WWOX: variants seen among roughly 807,000 people sequenced by gnomAD.
The protein encoded by WWOX is WW domain-containing oxidoreductase.
WWOX carries 69 observed loss-of-function variants against 46.2 expected under a neutral mutation model. The observed-to-expected ratio is 1.49, with a 90% CI of 1.23 to 1.82. WWOX has a LOEUF of 1.82. WWOX is among the 40% of genes most tolerant of loss of function. The pLI, the probability that WWOX is intolerant of heterozygous loss-of-function variation, is 0.00. For synonymous variants in WWOX, 359 were observed against 202.6 expected (o/e 1.77, Z -6.56); for missense variants, 919 against 542.6 (o/e 1.69, Z -6.89).
intron 8 of WWOX, among the ~76,000 whole-genome samples, chr16:79,169,127 C>T (rs1358790302): frequency 6.6e-6 from 1 of 152,190 alleles, no homozygotes; most frequent in Non-Finnish European, 1.5e-5. Flanking sequence ...TCTGAAAAGT[C>T]AACAAATTTG....
chr16:78,400,941 G>T (rs1838451286), intron 6 of WWOX, among the ~76,000 whole-genome samples: 1 of 152,162 alleles, frequency 6.6e-6, no homozygotes, highest in African/African-American at 2.4e-5. Flanking sequence ...CTTCCACTCA[G>T]CCTCCTGAGT....
At chr16:78,781,325 G>A (rs1215802042) in intron 8 of WWOX, among the ~76,000 whole-genome samples, 2 of 152,148 alleles carry the variant, frequency 1.3e-5, no homozygotes, top group Non-Finnish European at 2.9e-5. Flanking sequence ...GGACAGGAAA[G>A]GGGAGCTGTG....
chr16:79,111,689 T>A (rs2049419645), intron 8 of WWOX, among the ~76,000 whole-genome samples: 1 of 152,170 alleles, frequency 6.6e-6, no homozygotes, highest in Admixed American at 6.5e-5. Context: ...GCATGGGTAA[T>A]GTCTAGGCAA....
At chr16:78,534,776 C>A (rs535674003) in intron 8 of WWOX, among the ~76,000 whole-genome samples, 2 of 151,994 alleles carry the variant, frequency 1.3e-5, no homozygotes, top group Admixed American at 6.6e-5. Context: ...GTGGCACAAT[C>A]TCAGCTCACT....
chr16:78,834,947 A>G (rs988143758), intron 8 of WWOX, among the ~76,000 whole-genome samples: 2 of 152,300 alleles, frequency 1.3e-5, no homozygotes, highest in South Asian at 4.1e-4. Context: ...TAATTATTGA[A>G]GGGCTGTCAG....
chr16:79,136,200 T>C (rs1450937551), intron 8 of WWOX, among the ~76,000 whole-genome samples: 1 of 151,934 alleles, frequency 6.6e-6, no homozygotes, highest in Admixed American at 6.6e-5. Flanking sequence ...AGGAAAGCCA[T>C]GAAGGTGCAA....
intron 8 of WWOX, among the ~76,000 whole-genome samples, chr16:78,504,779 C>T (rs2151479173): frequency 6.6e-6 from 1 of 152,170 alleles, no homozygotes; most frequent in Middle Eastern, 3.4e-3. Flanking sequence ...TCCCCGTTTA[C>T]ATGCCAAATC....
At chr16:79,148,901 C>G (rs2050227798) in intron 8 of WWOX, among the ~76,000 whole-genome samples, 1 of 136,146 alleles carries the variant, frequency 7.3e-6, no homozygotes, top group African/African-American at 2.7e-5. Context: ...TATAAAGTTC[C>G]AGGAGTTTTT....
intron 8 of WWOX, among the ~76,000 whole-genome samples, chr16:78,588,173 T>G (rs1222121970): frequency 6.6e-6 from 1 of 152,150 alleles, no homozygotes; most frequent in Admixed American, 6.5e-5. Context: ...TGGTGAAGTT[T>G]CCCCTGGGTG....
At chr16:78,263,866 C>A (rs1236271760) in intron 5 of WWOX, among the ~76,000 whole-genome samples, 1 of 152,104 alleles carries the variant, frequency 6.6e-6, no homozygotes, top group Non-Finnish European at 1.5e-5. Flanking sequence ...ATGGATTCAC[C>A]AGTGTGCTTC....
At chr16:78,251,432 C>G (rs2037981295) in intron 5 of WWOX, among the ~76,000 whole-genome samples, 1 of 152,192 alleles carries the variant, frequency 6.6e-6, no homozygotes, top group Admixed American at 6.6e-5. Context: ...TTGCTGTCAA[C>G]TGCTCGTTAC....
chr16:78,392,930 C>T (rs1240266345), intron 6 of WWOX, among the ~76,000 whole-genome samples: 1 of 152,096 alleles, frequency 6.6e-6, no homozygotes, highest in Non-Finnish European at 1.5e-5. Context: ...CAGGAAGCCT[C>T]AGCCTGCTTC....
At chr16:78,632,146 G>A (rs1189734600) in intron 8 of WWOX, among the ~76,000 whole-genome samples, 2 of 152,140 alleles carry the variant, frequency 1.3e-5, no homozygotes, top group African/African-American at 4.8e-5. Context: ...GTCAGAAATA[G>A]CTGGGTTGAA....
intron 8 of WWOX, among the ~76,000 whole-genome samples, chr16:79,103,833 A>G (rs1338022040): frequency 6.6e-6 from 1 of 152,122 alleles, no homozygotes; most frequent in African/African-American, 2.4e-5. Flanking sequence ...ATCTTATGCC[A>G]TCATGCACGT....
chr16:78,261,818 A>ATG (rs2079249125), intron 5 of WWOX, among the ~76,000 whole-genome samples: 7 of 144,854 alleles, frequency 4.8e-5, no homozygotes, highest in African/African-American at 1.3e-4. Flanking sequence ...ATATATATAT[A>ATG]CTTATAATGT....
At chr16:78,563,723 C>A (rs1003212926) in intron 8 of WWOX, among the ~76,000 whole-genome samples, 6 of 152,016 alleles carry the variant, frequency 3.9e-5, no homozygotes, top group Admixed American at 1.3e-4. Context: ...GTATTTGTGT[C>A]CTGGTTGGCA....
chr16:78,957,031 A>G (rs1223734387), intron 8 of WWOX, among the ~76,000 whole-genome samples: 1 of 152,194 alleles, frequency 6.6e-6, no homozygotes, highest in Admixed American at 6.5e-5. Flanking sequence ...CACATGCTTT[A>G]TTTAATAGAC....
At chr16:78,723,506 T>TC (rs1418223529) in intron 8 of WWOX, among the ~76,000 whole-genome samples, 1 of 152,168 alleles carries the variant, frequency 6.6e-6, no homozygotes. Flanking sequence ...AGCCTCATCT[T>TC]CTACTACCTT....
At chr16:79,102,660 G>A (rs2049225074) in intron 8 of WWOX, among the ~76,000 whole-genome samples, 1 of 151,956 alleles carries the variant, frequency 6.6e-6, no homozygotes, top group South Asian at 2.1e-4. Flanking sequence ...CTAGGAAAGA[G>A]CCAGGCATAT....
Sources: gnomAD v4.1 joint callset for allele counts (sites outside exome capture counted in the v4.1 genomes callset) on GRCh38, gnomAD v4.1.1 for gene constraint, MANE v1.5 for transcripts, NCBI Gene and HGNC (gene_info 2026-07-23, HGNC 2026-07-21) for gene names.